Variants in PDLIM5 observed in about 807,000 individuals in gnomAD.
PDLIM5 encodes PDZ and LIM domain 5.
PDLIM5 carries 34 observed loss-of-function variants against 64.2 expected under a neutral mutation model. That is an observed-to-expected ratio of 0.53 (90% confidence interval 0.40 to 0.71). PDLIM5 has a LOEUF of 0.71. PDLIM5 is among the 30% of genes least tolerant of loss of function. The probability of loss-of-function intolerance (pLI) is 0.00; values close to 1 mark genes in which losing one functional copy is unlikely to be tolerated. For missense variants in PDLIM5, 683 were observed against 733.6 expected (o/e 0.93, Z 0.80); for synonymous variants, 253 against 269.1 (o/e 0.94, Z 0.59).
intron 7 of PDLIM5, among the ~76,000 whole-genome samples, chr4:94,598,909 C>T (rs1369863467): frequency 6.6e-6 from 1 of 151,914 alleles, no homozygotes; most frequent in Non-Finnish European, 1.5e-5. Flanking sequence ...GCAGAAGGAA[C>T]AGCAAATGCA....
intron 7 of PDLIM5, chr4:94,588,186 A>G: frequency 2.1e-6 from 2 of 964,890 alleles, no homozygotes; most frequent in South Asian, 4.8e-5. Context: ...GACTTATTAC[A>G]GTATAACTGG....
chr4:94,519,635 A>T (rs1409592966), intron 2 of PDLIM5, among the ~76,000 whole-genome samples: 2 of 152,196 alleles, frequency 1.3e-5, no homozygotes, highest in Admixed American at 6.5e-5. Flanking sequence ...AGGAATGATG[A>T]AGCATCCTCC....
intron 2 of PDLIM5, among the ~76,000 whole-genome samples, chr4:94,510,716 C>T (rs1039575991): frequency 5.9e-5 from 9 of 151,882 alleles, no homozygotes; most frequent in African/African-American, 2.2e-4. Flanking sequence ...TATTTTAAAA[C>T]AGGAAAATAG....
At chr4:94,502,404 G>C (rs1419127897) in intron 2 of PDLIM5, among the ~76,000 whole-genome samples, 2 of 152,204 alleles carry the variant, frequency 1.3e-5, no homozygotes, top group African/African-American at 4.8e-5. Flanking sequence ...TGTAGGGTAA[G>C]CGGCAGCCCA....
intron 3 of PDLIM5, among the ~76,000 whole-genome samples, chr4:94,527,897 C>T (rs1280095567): frequency 6.6e-6 from 1 of 152,128 alleles, no homozygotes; most frequent in Non-Finnish European, 1.5e-5. Flanking sequence ...CTGGTGTGAA[C>T]CATTAGAAGC....
intron 2 of PDLIM5, among the ~76,000 whole-genome samples, chr4:94,497,752 C>T (rs1381099582): frequency 6.6e-6 from 1 of 152,066 alleles, no homozygotes; most frequent in African/African-American, 2.4e-5. Flanking sequence ...GATATATTGC[C>T]CATTAGAATG....
rs555976880 is a variant in PDLIM5 at position 94,573,862 on chromosome 4, A to G, written c.291+469A>G. On this transcript the variant is annotated intron_variant, in intron 4 of 12. Coordinates refer to ENST00000317968, the MANE Select transcript of PDLIM5 (RefSeq NM_006457.5). ...TAATTTCAAACCATTATTCATATAT[A>G]TCTGTTTTATGCTTTTGGGGGCTTT... 19 of 161,990 alleles carry G rather than the reference A, an allele frequency of 1.2e-4. No homozygotes were observed. In the South Asian group the frequency reaches 3.0e-3, roughly 25 times the overall value. The allele number at this position is 161,990 out of a possible 1,614,324, so 10.0% of individuals were successfully genotyped here.
intron 3 of PDLIM5, among the ~76,000 whole-genome samples, chr4:94,557,663 G>A (rs1358976203): frequency 5.3e-5 from 8 of 151,888 alleles, no homozygotes; most frequent in Admixed American, 1.3e-4. Flanking sequence ...ATTCTCTTTG[G>A]AGCAATTGTG....
At chr4:94,470,506 A>G (rs1439283840) in intron 2 of PDLIM5, among the ~76,000 whole-genome samples, 1 of 152,202 alleles carries the variant, frequency 6.6e-6, no homozygotes, top group African/African-American at 2.4e-5. Flanking sequence ...CAGTATATCT[A>G]TTTTTAAAAA....
intron 3 of PDLIM5, among the ~76,000 whole-genome samples, chr4:94,524,486 C>CATTAT (rs1159950220): frequency 6.7e-6 from 1 of 150,250 alleles, no homozygotes; most frequent in Non-Finnish European, 1.5e-5. Context: ...AAATTCTGAG[C>CATTAT]ATTATATTAA....
intron 9 of PDLIM5, among the ~76,000 whole-genome samples, chr4:94,641,537 AAAAACATAGAAACACAGAAAAC>A (rs1741006110): frequency 6.6e-6 from 1 of 152,162 alleles, no homozygotes; most frequent in Admixed American, 6.6e-5. Context: ...GTGACGTTTA[AAAAACATAGAAACACAGAAAAC>A]AAAAAACAAA....
At chr4:94,660,315 C>T (rs543634056) in intron 11 of PDLIM5, among the ~76,000 whole-genome samples, 2 of 152,260 alleles carry the variant, frequency 1.3e-5, no homozygotes, top group South Asian at 4.1e-4. Context: ...TGAGATCCTT[C>T]CTTCTTTGGG....
intron 3 of PDLIM5, among the ~76,000 whole-genome samples, chr4:94,555,037 A>C (rs1426570431): frequency 6.7e-6 from 1 of 149,514 alleles, no homozygotes; most frequent in Non-Finnish European, 1.5e-5. Context: ...GATGTTTGTT[A>C]AGTTAGGTGT....
intron 2 of PDLIM5, among the ~76,000 whole-genome samples, chr4:94,480,073 C>G (rs538401778): frequency 1.3e-5 from 2 of 152,208 alleles, no homozygotes; most frequent in African/African-American, 4.8e-5. Flanking sequence ...TTATTCAATT[C>G]TTTGAAAAAA....
At chr4:94,578,724 G>C (rs9307145) in intron 5 of PDLIM5, among the ~76,000 whole-genome samples, 9,734 of 152,042 alleles carry the variant, frequency 0.064, 471 homozygotes, top group African/African-American at 0.13. Context: ...TGTCAAACTT[G>C]TTACTATTAT....
chr4:94,622,079 T>C (rs1416041412), intron 8 of PDLIM5, among the ~76,000 whole-genome samples: 1 of 152,044 alleles, frequency 6.6e-6, no homozygotes, highest in African/African-American at 2.4e-5. Flanking sequence ...AATTTAAAAA[T>C]AAAAACAAAA....
At chr4:94,507,336 A>G (rs1321644276) in intron 2 of PDLIM5, among the ~76,000 whole-genome samples, 1 of 151,978 alleles carries the variant, frequency 6.6e-6, no homozygotes, top group Non-Finnish European at 1.5e-5. Context: ...AAATACATTC[A>G]TTTCATCTTG....
intron 7 of PDLIM5, among the ~76,000 whole-genome samples, chr4:94,603,568 GACAT>G (rs1737666952): frequency 6.6e-6 from 1 of 152,246 alleles, no homozygotes; most frequent in South Asian, 2.1e-4. Flanking sequence ...AGTTTATTAG[GACAT>G]ACATACAGGG....
intron 9 of PDLIM5, among the ~76,000 whole-genome samples, chr4:94,641,475 A>G (rs888690584): frequency 3.9e-5 from 6 of 152,206 alleles, no homozygotes; most frequent in African/African-American, 1.4e-4. Flanking sequence ...TATGCCATTC[A>G]AAACTGAATA....
Sources: gnomAD v4.1 joint callset for allele counts (sites outside exome capture counted in the v4.1 genomes callset) on GRCh38, gnomAD v4.1.1 for gene constraint, MANE v1.5 for transcripts, NCBI Gene and HGNC (gene_info 2026-07-23, HGNC 2026-07-21) for gene names.